The following COL22A1 variants were observed in gnomAD, a reference collection of about 807,000 sequenced individuals.
COL22A1 encodes collagen alpha-1(XXII) chain.
In COL22A1, 221 loss-of-function variants were observed where a neutral mutation model predicts 248.9. That is an observed-to-expected ratio of 0.89 (90% CI 0.80 to 0.99). The LOEUF is 0.99. Ranked by LOEUF, COL22A1 falls within the 50% of genes least tolerant of loss-of-function variation. The probability of loss-of-function intolerance (pLI) is 0.00; values close to 1 mark genes in which losing one functional copy is unlikely to be tolerated. For synonymous variants in COL22A1, 891 were observed against 793.4 expected (o/e 1.12, Z -2.07); for missense variants, 2,240 against 2,179.0 (o/e 1.03, Z -0.56).
At chr8:138,636,666 T>C (rs2132033762) in intron 48 of COL22A1, 76 bp downstream of exon 48, 3 of 1,035,590 alleles carry the variant, frequency 2.9e-6, no homozygotes, top group Non-Finnish European at 1.5e-6. Flanking sequence ...GGAATGACAT[T>C]GTACAATGGA....
At chr8:138,812,803 C>T in intron 8 of COL22A1, 136 bp downstream of exon 8, 1 of 711,060 alleles carries the variant, frequency 1.4e-6, no homozygotes, top group South Asian at 1.6e-5. Flanking sequence ...ATACCCTAAG[C>T]TCCCTCTCAG....
At chr8:138,851,482 T>C (rs867655823) in intron 3 of COL22A1, among the ~76,000 whole-genome samples, 1 of 152,340 alleles carries the variant, frequency 6.6e-6, no homozygotes, top group Non-Finnish European at 1.5e-5. Flanking sequence ...TGGTTGTTAC[T>C]ATGTATGAGT....
At chr8:138,589,730 C>T (rs1486851649) in intron 64 of COL22A1, among the ~76,000 whole-genome samples, 2 of 152,156 alleles carry the variant, frequency 1.3e-5, no homozygotes, top group Non-Finnish European at 2.9e-5. Context: ...CCAGGTAGGG[C>T]ATATTTCTCC....
At chr8:138,624,364 G>A (rs922542428) in intron 51 of COL22A1, among the ~76,000 whole-genome samples, 6 of 152,126 alleles carry the variant, frequency 3.9e-5, no homozygotes, top group South Asian at 2.1e-4. Flanking sequence ...AGCTGGGGTC[G>A]TTCACAAGGT....
chr8:138,717,079 G>A (rs1829497460), intron 27 of COL22A1, among the ~76,000 whole-genome samples: 1 of 152,148 alleles, frequency 6.6e-6, no homozygotes, highest in African/African-American at 2.4e-5. Context: ...TTCTCATATA[G>A]TCTTTTGCTT....
intron 23 of COL22A1, among the ~76,000 whole-genome samples, chr8:138,733,389 C>T (rs1280324831): frequency 6.6e-6 from 1 of 152,206 alleles, no homozygotes; most frequent in Non-Finnish European, 1.5e-5. Flanking sequence ...CACCCTGGGG[C>T]TTTGCACGCT....
intron 16 of COL22A1, among the ~76,000 whole-genome samples, chr8:138,767,029 A>G (rs1391584121): frequency 6.6e-6 from 1 of 152,362 alleles, no homozygotes; most frequent in African/African-American, 2.4e-5. Flanking sequence ...ACTCAGATCC[A>G]AACCCTGGCT....
At chr8:138,593,974 T>C in intron 63 of COL22A1, 43 bp downstream of exon 63, 1 of 1,441,286 alleles carries the variant, frequency 6.9e-7, no homozygotes, top group Non-Finnish European at 9.2e-7. Flanking sequence ...TTCTCCGCCC[T>C]CCAGGAGTAC....
chr8:138,788,788 GT>G (rs1245319141), intron 12 of COL22A1, among the ~76,000 whole-genome samples: 1 of 152,180 alleles, frequency 6.6e-6, no homozygotes, highest in Non-Finnish European at 1.5e-5. Context: ...TATGTTTAAC[GT>G]TTATGAGCAC....
At chr8:138,803,767 G>A (rs966473638) in intron 10 of COL22A1, among the ~76,000 whole-genome samples, 2 of 152,286 alleles carry the variant, frequency 1.3e-5, no homozygotes, top group African/African-American at 4.8e-5. Flanking sequence ...GATAGGTGTA[G>A]GCACAGGAAA....
At chr8:138,850,557 T>C (rs1373133611) in intron 3 of COL22A1, among the ~76,000 whole-genome samples, 1 of 152,134 alleles carries the variant, frequency 6.6e-6, no homozygotes, top group Non-Finnish European at 1.5e-5. Context: ...GGGATGCAGT[T>C]GTCTTTGTTT....
intron 60 of COL22A1, among the ~76,000 whole-genome samples, chr8:138,599,439 G>A (rs1358710224): frequency 2.6e-5 from 4 of 151,896 alleles, no homozygotes; most frequent in Non-Finnish European, 4.4e-5. Context: ...AGATCGCACC[G>A]CTGCACTCCA....
intron 3 of COL22A1, among the ~76,000 whole-genome samples, chr8:138,853,409 G>C (rs975125592): frequency 6.6e-6 from 1 of 152,180 alleles, no homozygotes; most frequent in African/African-American, 2.4e-5. Flanking sequence ...TGAGGGAGCT[G>C]TCTTGGGAAG....
intron 30 of COL22A1, among the ~76,000 whole-genome samples, chr8:138,712,349 C>T (rs1485663693): frequency 6.6e-6 from 1 of 152,138 alleles, no homozygotes; most frequent in African/African-American, 2.4e-5. Context: ...TGCCGTGGAA[C>T]TAGAGGTGCA....
intron 26 of COL22A1, 104 bp from the exon 27 acceptor site, chr8:138,720,896 G>A (rs539736049): frequency 1.7e-5 from 16 of 950,678 alleles, no homozygotes; most frequent in Admixed American, 1.2e-4. Context: ...ACCTGCACTC[G>A]GGTGGTTTTG....
intron 21 of COL22A1, among the ~76,000 whole-genome samples, chr8:138,752,692 AT>A (rs1248241637): frequency 6.6e-6 from 1 of 152,214 alleles, no homozygotes; most frequent in African/African-American, 2.4e-5. Flanking sequence ...AGATGCCAGC[AT>A]TTGGATGCAG....
chr8:138,633,519 T>C (rs1381510947), intron 49 of COL22A1, among the ~76,000 whole-genome samples: 2 of 152,232 alleles, frequency 1.3e-5, no homozygotes, highest in Non-Finnish European at 2.9e-5. Flanking sequence ...GATGAGGCTG[T>C]AATCCATTAT....
chr8:138,765,606 G>C (rs1355963771), intron 16 of COL22A1, among the ~76,000 whole-genome samples: 1 of 152,238 alleles, frequency 6.6e-6, no homozygotes, highest in African/African-American at 2.4e-5. Context: ...CATAGCTATG[G>C]AGCCACAACA....
intron 41 of COL22A1, among the ~76,000 whole-genome samples, chr8:138,669,652 C>T (rs1028915047): frequency 6.6e-6 from 1 of 152,160 alleles, no homozygotes; most frequent in African/African-American, 2.4e-5. Flanking sequence ...CCTGAGTCTC[C>T]TCATCTGAAA....
Sources: allele counts gnomAD v4.1 joint callset (sites outside exome capture counted in the v4.1 genomes callset), GRCh38; gene constraint gnomAD v4.1.1; transcripts MANE v1.5; gene names NCBI Gene and HGNC (gene_info 2026-07-23, HGNC 2026-07-21).